Variants in TRIML2 observed in about 807,000 individuals in gnomAD.
TRIML2 encodes the protein probable E3 ubiquitin-protein ligase TRIML2.
In TRIML2, 28 loss-of-function variants were observed where a neutral mutation model predicts 31.2. That is an observed-to-expected ratio of 0.90 (90% CI 0.66 to 1.23). The LOEUF (loss-of-function observed/expected upper bound fraction) is 1.23. Ranked by LOEUF, TRIML2 falls within the 50% of genes most tolerant of loss-of-function variation. The pLI is 0.00. For synonymous variants in TRIML2, 187 were observed against 197.5 expected (o/e 0.95, Z 0.45); for missense variants, 536 against 528.3 (o/e 1.01, Z -0.14).
At chr4:188,093,067 A>T in intron 7 of TRIML2, 1 of 347,686 alleles carries the variant, frequency 2.9e-6, no homozygotes, top group Non-Finnish European at 5.7e-6. Flanking sequence ...AACATAACAC[A>T]CCCAAAATGG....
rs1733990189 is a variant in TRIML2, at chr4:188,105,514, A to G, written c.-146T>C. ...CAACTTCAGAGTCCACGAAGATCCA[A>G]GGAAATAAGTCCACGCAGACAGAGC... On this transcript the variant is annotated 5_prime_UTR_variant, in exon 2 of 8. Coordinates refer to ENST00000682553, the MANE Select transcript of TRIML2 (RefSeq NM_173553.4). The G allele has an allele frequency of 3.6e-6, 2 of 553,262 alleles. No homozygotes were observed. The highest frequency in any genetic ancestry group is 2.8e-5 in the East Asian group (1 of 35,754). 34.3% of individuals were successfully genotyped at this position (553,262 alleles called of 1,614,324 possible).
In TRIML2 at chr4:188,105,536, GAGCGGGTCGGCGCTCTGGACTCCTCAAA is replaced by G. The variant is rs1442006210; in HGVS notation, c.-196_-169del. 6.9e-5 allele frequency: 34 copies of G among 494,822 alleles called. No individual in the cohort carries two copies. The highest frequency in any genetic ancestry group is 1.2e-4 in the Non-Finnish European group (34 of 282,884). 30.7% of individuals were successfully genotyped at this position (494,822 alleles called of 1,614,324 possible). ...CCAAGGAAATAAGTCCACGCAGACA[GAGCGGGTCGGCGCTCTGGACTCCTCAAA>G]TCCAACAAATTTCTGGCAGCTGCCT... On this transcript the variant is annotated 5_prime_UTR_variant, in exon 2 of 8. Coordinates refer to ENST00000682553, the MANE Select transcript of TRIML2 (RefSeq NM_173553.4).
intron 3 of TRIML2, 107 bp from the exon 4 acceptor site, chr4:188,101,357 C>A: frequency 1.8e-6 from 1 of 552,996 alleles, no homozygotes; most frequent in Non-Finnish European, 2.9e-6. Flanking sequence ...ATATATATAT[C>A]TTACACTGAC....
intron 1 of TRIML2, among the ~76,000 whole-genome samples, chr4:188,108,511 C>G (rs577000527): frequency 2.0e-5 from 3 of 152,262 alleles, no homozygotes; most frequent in African/African-American, 7.2e-5. Context: ...TATTTTAAAA[C>G]CAAAACCAAG....
intron 1 of TRIML2, among the ~76,000 whole-genome samples, chr4:188,107,226 C>T (rs1734079802): frequency 6.6e-6 from 1 of 152,054 alleles, no homozygotes; most frequent in Admixed American, 6.6e-5. Flanking sequence ...GTGTTGGCCA[C>T]ACTGATCTGG....
intron 7 of TRIML2, among the ~76,000 whole-genome samples, chr4:188,096,171 C>T (rs185687258): frequency 2.6e-5 from 4 of 151,932 alleles, no homozygotes; most frequent in East Asian, 3.9e-4. Flanking sequence ...GCCTGAGGCG[C>T]GTGGATCACC....
intron 1 of TRIML2, among the ~76,000 whole-genome samples, chr4:188,108,601 T>C (rs1007922538): frequency 5.3e-5 from 8 of 152,140 alleles, no homozygotes; most frequent in Non-Finnish European, 8.8e-5. Context: ...CAATCTGGCC[T>C]CCTGCCTTCT....
chr4:188,106,201 C>T (rs1229385091), intron 1 of TRIML2, among the ~76,000 whole-genome samples: 3 of 119,212 alleles, frequency 2.5e-5, no homozygotes, highest in Admixed American at 1.5e-4. Flanking sequence ...AGGCGCCCGC[C>T]ACCTCGCCCG....
At chr4:188,096,972 C>G (rs1335398019) in intron 7 of TRIML2, 89 bp downstream of exon 7, 4 of 1,029,068 alleles carry the variant, frequency 3.9e-6, no homozygotes, top group Non-Finnish European at 6.1e-6. Flanking sequence ...TGTTAAACTA[C>G]TGGAATTTGT....
At chr4:188,092,121 GAGGAAAA>G (rs1273345710) in intron 7 of TRIML2, among the ~76,000 whole-genome samples, 180 bp from the exon 8 acceptor site, 1 of 152,050 alleles carries the variant, frequency 6.6e-6, no homozygotes, top group African/African-American at 2.4e-5. Context: ...GGACCTCATG[GAGGAAAA>G]AGTCCATAAG....
In TRIML2 at chr4:188,105,426, TG is replaced by T; in HGVS notation, c.-59del. ...GTATGCTTCTACTGAGGTATCTCCC[TG>T]CACTGTGAATGAGAAAAAATGGTGG... is the stretch of plus-strand genomic sequence containing the variant. On this transcript the variant is annotated 5_prime_UTR_variant, in exon 2 of 8. Transcript: ENST00000682553. The T allele has an allele frequency of 7.7e-7, 1 of 1,299,176 alleles. No homozygotes were observed. The highest frequency in any genetic ancestry group is 1.0e-6 in the Non-Finnish European group (1 of 978,128). 80.5% of individuals were successfully genotyped at this position (1,299,176 alleles called of 1,614,324 possible). A position where few individuals can be genotyped will look rare whatever the true frequency, so the allele number is the denominator to read the frequency against.
At chr4:188,100,488 T>C (rs560882050) in intron 4 of TRIML2, among the ~76,000 whole-genome samples, 35 of 152,156 alleles carry the variant, frequency 2.3e-4, no homozygotes, top group African/African-American at 5.8e-4. Context: ...TTTGGGAGGC[T>C]GAGGCGGGTG....
In TRIML2 at chr4:188,099,085, T is replaced by C; in HGVS notation, c.571A>G (p.Ile191Val). 1 of 1,612,634 alleles carries C rather than the reference T, an allele frequency of 6.2e-7. No homozygotes were observed. The stretch of plus-strand genomic sequence containing the variant: ...CCACACTTTTTCTCAAGCTCCACGA[T>C]GAGCTTTAGGAGGCTGCGGACCTGT... Reference protein sequence around the residue: ...SEQVRSLLKLIVELEKKCGEG... With the variant: ...SEQVRSLLKLVVELEKKCGEG... The change falls in exon 5 of 8, where the codon ATC becomes GTC. Residue 191 changes from isoleucine (I) to valine (V), a missense_variant. Physicochemically the swap from Ile to Val is conservative, Grantham distance 29. Coordinates refer to ENST00000682553, the MANE Select transcript of TRIML2 (RefSeq NM_173553.4).
rs1733565085 is a variant in TRIML2 at position 188,097,344 on chromosome 4, A to G, written c.624T>C (p.Asn208=). Residue 208 remains asparagine (N), a splice_region_variant and synonymous_variant, in exon 6 of 8, where the codon AAT becomes AAC. Transcript: ENST00000682553. ...CTCACCTTTCTAAAGAGTATTTTGC[A>G]TTCTAAGGGAAAGAAAAGAGACCAG... ...CGEGTLALLK[N]AKYSLERSKS... is the part of the protein sequence containing the mutation. The G allele has an allele frequency of 1.2e-6, 2 of 1,613,854 alleles. No homozygotes were observed. Among genetic ancestry groups the G allele is most frequent in the Non-Finnish European group, 1.7e-6 (2 of 1,179,942 alleles).
chr4:188,095,882 C>G (rs955474112), intron 7 of TRIML2, among the ~76,000 whole-genome samples: 4 of 152,212 alleles, frequency 2.6e-5, no homozygotes, highest in African/African-American at 9.6e-5. Flanking sequence ...ACTACTGATA[C>G]ACGAAGCAGC....
intron 3 of TRIML2, among the ~76,000 whole-genome samples, chr4:188,103,005 G>GTTT (rs145048322): frequency 1.8e-3 from 178 of 97,862 alleles, no homozygotes; most frequent in East Asian, 4.6e-3. Context: ...TACTCTCTTG[G>GTTT]TTTTTTTTTT....
chr4:188,099,611 T>C (rs1289507346), intron 4 of TRIML2, among the ~76,000 whole-genome samples: 2 of 152,012 alleles, frequency 1.3e-5, no homozygotes, highest in African/African-American at 4.8e-5. Context: ...ACCCTGCTTT[T>C]CTGCCTGCTA....
chr4:188,100,804 T>C (rs1431669671), intron 4 of TRIML2, among the ~76,000 whole-genome samples: 1 of 152,172 alleles, frequency 6.6e-6, no homozygotes, highest in Admixed American at 6.5e-5. Flanking sequence ...TCTTTTTCTA[T>C]GTGTGTAAGT....
At chr4:188,100,586 G>C (rs1411057092) in intron 4 of TRIML2, among the ~76,000 whole-genome samples, 1 of 152,154 alleles carries the variant, frequency 6.6e-6, no homozygotes, top group East Asian at 1.9e-4. Flanking sequence ...GCCGGGCGTA[G>C]TGGCGGGCAC....
Sources: allele counts gnomAD v4.1 joint callset (sites outside exome capture counted in the v4.1 genomes callset), GRCh38; gene constraint gnomAD v4.1.1; transcripts MANE v1.5; gene names NCBI Gene and HGNC (gene_info 2026-07-23, HGNC 2026-07-21).